Variants in ARHGEF28 observed in about 807,000 individuals in gnomAD.
ARHGEF28 encodes the protein 190 kDa guanine nucleotide exchange factor.
In ARHGEF28, 152 loss-of-function variants were observed where a neutral mutation model predicts 206.6. The ratio of observed to expected loss-of-function variants is 0.74; its 90% CI spans 0.64 to 0.84. The LOEUF (loss-of-function observed/expected upper bound fraction) is 0.84, where lower values mean the gene tolerates loss of function less well. ARHGEF28 is among the 40% of genes least tolerant of loss of function. The pLI, the probability that ARHGEF28 is intolerant of heterozygous loss-of-function variation, is 0.00. For synonymous variants in ARHGEF28, 763 were observed against 776.4 expected (o/e 0.98, Z 0.29); for missense variants, 2,028 against 2,073.2 (o/e 0.98, Z 0.42).
chr5:73,690,472 C>T (rs1747743023), intron 2 of ARHGEF28, among the ~76,000 whole-genome samples: 1 of 140,690 alleles, frequency 7.1e-6, no homozygotes, highest in African/African-American at 2.7e-5. Context: ...CTTTGAGAGG[C>T]TGCTTAGTCC....
chr5:73,890,074 C>T (rs545433918), intron 26 of ARHGEF28, among the ~76,000 whole-genome samples: 1 of 152,376 alleles, frequency 6.6e-6, no homozygotes, highest in African/African-American at 2.4e-5. Flanking sequence ...ACCTCCAAGG[C>T]AGACATGGTA....
chr5:73,750,486 A>G (rs1490651177), intron 3 of ARHGEF28, among the ~76,000 whole-genome samples: 1 of 151,874 alleles, frequency 6.6e-6, no homozygotes, highest in Admixed American at 6.6e-5. Flanking sequence ...TCCATCCAGA[A>G]TCTTCCTTGG....
chr5:73,846,348 CT>C lies in ARHGEF28; in HGVS notation c.1509del (p.Gln504ArgfsTer63). On this transcript the variant is annotated frameshift_variant, in exon 12 of 36. Transcript: ENST00000513042. LOFTEE classifies it high-confidence loss of function. ...TCCCACATCTGTTACACTCCAGGGT[CT>C]CAGAGCTCCTCAAGAACTGGGATTC... is the stretch of plus-strand genomic sequence containing the variant. Reference protein sequence around the residue: ...EPSHICYTPGSQSSSRTGIPS... With the variant: ...EPSHICYTPGXQSSSRTGIPS... 1 of 1,613,926 alleles carries C rather than the reference CT, an allele frequency of 6.2e-7. No individual in the cohort carries two copies. Among genetic ancestry groups the C allele is most frequent in the Non-Finnish European group, 8.5e-7 (1 of 1,179,834 alleles).
At chr5:73,630,387 CCT>C (rs1219795075) in intron 1 of ARHGEF28, among the ~76,000 whole-genome samples, 1 of 152,142 alleles carries the variant, frequency 6.6e-6, no homozygotes, top group Non-Finnish European at 1.5e-5. Flanking sequence ...GGCTATGTGA[CCT>C]CTCTCTACCT....
chr5:73,765,466 C>T (rs550468088), intron 4 of ARHGEF28, among the ~76,000 whole-genome samples: 1 of 152,230 alleles, frequency 6.6e-6, no homozygotes, highest in African/African-American at 2.4e-5. Flanking sequence ...CAATACTCCA[C>T]AGTGCATTGT....
intron 1 of ARHGEF28, among the ~76,000 whole-genome samples, chr5:73,628,707 C>A (rs1404798550): frequency 6.6e-6 from 1 of 152,164 alleles, no homozygotes; most frequent in African/African-American, 2.4e-5. Flanking sequence ...TTGAAGTGCA[C>A]CAAATTCAGG....
chr5:73,923,081 A>C, intron 35 of ARHGEF28: 2 of 1,535,390 alleles, frequency 1.3e-6, no homozygotes, highest in Non-Finnish European at 1.7e-6. Context: ...CATATTTTGC[A>C]TTCAGGCTCC....
chr5:73,720,445 T>G (rs1439561256), intron 2 of ARHGEF28, among the ~76,000 whole-genome samples: 1 of 151,684 alleles, frequency 6.6e-6, no homozygotes, highest in Non-Finnish European at 1.5e-5. Flanking sequence ...CAGAGAGAGG[T>G]CAGGAGAGAT....
At chr5:73,939,890 AT>A (rs1049384263) in intron 35 of ARHGEF28, among the ~76,000 whole-genome samples, 4 of 151,842 alleles carry the variant, frequency 2.6e-5, no homozygotes, top group Non-Finnish European at 4.4e-5. Flanking sequence ...TGTTCTTTAA[AT>A]TTTTTTTTAA....
intron 2 of ARHGEF28, among the ~76,000 whole-genome samples, chr5:73,700,892 G>A (rs1475401813): frequency 2.0e-5 from 3 of 152,198 alleles, no homozygotes; most frequent in Non-Finnish European, 2.9e-5. Flanking sequence ...CTTCCCGTGA[G>A]TTGAGACAAG....
At chr5:73,627,041 G>A (rs1352478165) in intron 1 of ARHGEF28, 3 of 152,256 alleles carry the variant, frequency 2.0e-5, no homozygotes, top group Non-Finnish European at 4.4e-5. Context: ...GAAACTGGGT[G>A]CTCAGGCGGC....
chr5:73,723,469 A>T (rs1337793889), intron 2 of ARHGEF28, among the ~76,000 whole-genome samples: 1 of 152,220 alleles, frequency 6.6e-6, no homozygotes, highest in Non-Finnish European at 1.5e-5. Context: ...TACAGGCGTG[A>T]GCCACCACAC....
Position 73,892,097 on chromosome 5 carries a change from G to C in ARHGEF28, c.3433G>C (p.Glu1145Gln). ...TTCCCTTCAAAAGCTTATTGCTAGA[G>C]AAGTTGCTAATGAGGAGAGAGGAAT... ...VISLQKLIAR[E>Q]VANEERGMFL... The change falls in exon 27 of 36, where the codon GAA (glutamate) becomes CAA (glutamine). Residue 1145 changes from glutamate to glutamine, a missense_variant. By Grantham distance (29) the Glu-to-Gln change is conservative. This residue lies in a region of ARHGEF28 where 803 missense variants were observed against 768.0 expected (regional missense o/e 1.05). Coordinates refer to ENST00000513042, the MANE Select transcript of ARHGEF28 (RefSeq NM_001177693.2). The C allele has an allele frequency of 1.9e-6, 3 of 1,599,854 alleles. No homozygotes were observed. The highest frequency in any genetic ancestry group is 2.6e-6 in the Non-Finnish European group (3 of 1,172,462).
intron 9 of ARHGEF28, among the ~76,000 whole-genome samples, chr5:73,803,932 T>A (rs992606636): frequency 2.6e-5 from 4 of 151,544 alleles, no homozygotes; most frequent in Admixed American, 1.3e-4. Flanking sequence ...ACAAAAATTT[T>A]AAAAAATTAG....
chr5:73,868,820 T>C (rs1161876765), intron 20 of ARHGEF28, among the ~76,000 whole-genome samples: 1 of 152,082 alleles, frequency 6.6e-6, no homozygotes, highest in African/African-American at 2.4e-5. Flanking sequence ...CTAATTTTTG[T>C]ATTGTTCGTA....
intron 1 of ARHGEF28, among the ~76,000 whole-genome samples, chr5:73,678,516 C>T (rs1030272120): frequency 2.0e-5 from 3 of 152,164 alleles, no homozygotes; most frequent in Non-Finnish European, 4.4e-5. Context: ...GCCTTTGATA[C>T]AGCTGGTTTC....
intron 9 of ARHGEF28, among the ~76,000 whole-genome samples, chr5:73,831,107 T>G (rs776171788): frequency 5.3e-5 from 8 of 152,178 alleles, no homozygotes; most frequent in Non-Finnish European, 1.2e-4. Context: ...AAAATTGCTA[T>G]CCATAATAAT....
intron 2 of ARHGEF28, among the ~76,000 whole-genome samples, chr5:73,703,511 A>G (rs1012255164): frequency 6.6e-6 from 1 of 152,178 alleles, no homozygotes; most frequent in African/African-American, 2.4e-5. Flanking sequence ...TTTAAATAAA[A>G]TAAAAGTCTA....
At chr5:73,930,031 A>G (rs941453218) in intron 35 of ARHGEF28, among the ~76,000 whole-genome samples, 2 of 152,322 alleles carry the variant, frequency 1.3e-5, no homozygotes, top group South Asian at 2.1e-4. Flanking sequence ...AGGAGCATTT[A>G]CGGGATCTTA....
Sources: gnomAD v4.1 joint callset for allele counts (sites outside exome capture counted in the v4.1 genomes callset) on GRCh38, gnomAD v4.1.1 for gene constraint, gnomAD v4.1.1 regional missense constraint, MANE v1.5 for transcripts, NCBI Gene and HGNC (gene_info 2026-07-23, HGNC 2026-07-21) for gene names.